Variants in SNTG1 observed in about 807,000 individuals in gnomAD.
SNTG1 encodes the protein gamma-1-syntrophin.
Under a neutral mutation model 74.7 loss-of-function variants are expected in SNTG1, and 39 were observed. That is an observed-to-expected ratio of 0.52 (90% CI 0.40 to 0.68). The LOEUF (loss-of-function observed/expected upper bound fraction) is 0.68. Among genes scored for constraint, SNTG1 ranks in the 30% least tolerant of loss-of-function variants. The pLI is 0.00. For synonymous variants in SNTG1, 254 were observed against 217.1 expected, an observed-to-expected ratio of 1.17 and a Z score of -1.49; for missense variants, 685 against 609.5, an observed-to-expected ratio of 1.12 and a Z score of -1.30.
At chr8:50,352,331 C>A (rs1254196634) in intron 2 of SNTG1, among the ~76,000 whole-genome samples, 1 of 152,000 alleles carries the variant, frequency 6.6e-6, no homozygotes, top group Non-Finnish European at 1.5e-5. Flanking sequence ...CTCCTGGGAT[C>A]CCCCAGGAAG....
intron 1 of SNTG1, among the ~76,000 whole-genome samples, chr8:49,975,769 A>ATGTGTG (rs55918843): frequency 3.4e-5 from 5 of 146,970 alleles, no homozygotes; most frequent in African/African-American, 1.0e-4. Flanking sequence ...ATATATATAT[A>ATGTGTG]TGTGTGTGTG....
chr8:50,628,753 A>C (rs750307316), intron 13 of SNTG1, among the ~76,000 whole-genome samples: 7 of 151,808 alleles, frequency 4.6e-5, no homozygotes, highest in Middle Eastern at 3.2e-3. Flanking sequence ...ATCAAAATAT[A>C]TGTTTATTTT....
chr8:50,288,939 T>C (rs1252219772), intron 2 of SNTG1, among the ~76,000 whole-genome samples: 1 of 152,186 alleles, frequency 6.6e-6, no homozygotes, highest in East Asian at 1.9e-4. Flanking sequence ...AGGTTAAATG[T>C]GTTTACTAGG....
At chr8:50,343,604 G>A (rs528778730) in intron 2 of SNTG1, among the ~76,000 whole-genome samples, 54 of 152,216 alleles carry the variant, frequency 3.5e-4, no homozygotes, top group African/African-American at 1.3e-3. Context: ...TGAACAAATA[G>A]CAAGCTATTA....
chr8:49,975,067 G>A (rs934167023), intron 1 of SNTG1, among the ~76,000 whole-genome samples: 1 of 152,120 alleles, frequency 6.6e-6, no homozygotes, highest in African/African-American at 2.4e-5. Flanking sequence ...TGTCCAAACT[G>A]TCAGTGATGG....
At chr8:50,405,396 A>G (rs1409523303) in intron 4 of SNTG1, among the ~76,000 whole-genome samples, 3 of 152,062 alleles carry the variant, frequency 2.0e-5, no homozygotes, top group African/African-American at 7.2e-5. Context: ...TCTCCTGTCA[A>G]TTAATAATGT....
intron 2 of SNTG1, among the ~76,000 whole-genome samples, chr8:50,305,552 G>GTC (rs1328800802): frequency 3.4e-5 from 5 of 147,110 alleles, no homozygotes; most frequent in Non-Finnish European, 6.0e-5. Flanking sequence ...GTGTGTGTGT[G>GTC]TGTCTGTATG....
At chr8:50,689,250 C>T (rs2095366782) in intron 15 of SNTG1, among the ~76,000 whole-genome samples, 2 of 152,120 alleles carry the variant, frequency 1.3e-5, no homozygotes, top group Admixed American at 6.5e-5. Context: ...ATTTTCTTCT[C>T]CTGCCTGATT....
intron 15 of SNTG1, among the ~76,000 whole-genome samples, chr8:50,687,364 TA>T (rs2095357326): frequency 6.6e-6 from 1 of 152,120 alleles, no homozygotes; most frequent in Non-Finnish European, 1.5e-5. Flanking sequence ...AATGAATGGA[TA>T]AAAACAAAAC....
chr8:50,164,066 G>A (rs192090153), intron 1 of SNTG1: 1 of 141,734 alleles, frequency 7.1e-6, no homozygotes, highest in East Asian at 2.1e-4. Flanking sequence ...ATTGATCTCA[G>A]AGACTTTGAT....
chr8:50,287,413 C>T (rs1469869271), intron 2 of SNTG1, among the ~76,000 whole-genome samples: 3 of 152,130 alleles, frequency 2.0e-5, no homozygotes, highest in Non-Finnish European at 2.9e-5. Context: ...CCCTTGATTC[C>T]TGAGCTTTCA....
At chr8:49,992,642 C>T (rs972824349) in intron 1 of SNTG1, among the ~76,000 whole-genome samples, 2 of 152,112 alleles carry the variant, frequency 1.3e-5, no homozygotes, top group Non-Finnish European at 2.9e-5. Context: ...ACTTAAATTG[C>T]CTTTCATGAT....
intron 1 of SNTG1, among the ~76,000 whole-genome samples, chr8:50,002,791 G>C (rs1047883328): frequency 6.6e-6 from 1 of 152,020 alleles, no homozygotes; most frequent in African/African-American, 2.4e-5. Context: ...ATACAAAAAC[G>C]TGGAAAAATG....
intron 9 of SNTG1, among the ~76,000 whole-genome samples, chr8:50,527,482 T>TG: frequency 6.6e-6 from 1 of 152,256 alleles, no homozygotes; most frequent in Non-Finnish European, 1.5e-5. Flanking sequence ...TTTGTGCATC[T>TG]TACATAAGAA....
At chr8:50,280,709 A>G (rs2088391690) in intron 2 of SNTG1, among the ~76,000 whole-genome samples, 1 of 152,204 alleles carries the variant, frequency 6.6e-6, no homozygotes, top group Non-Finnish European at 1.5e-5. Context: ...TGAAATCAGT[A>G]GAAAGGAGTG....
intron 2 of SNTG1, among the ~76,000 whole-genome samples, chr8:50,315,862 A>G (rs2090297553): frequency 6.6e-6 from 1 of 152,174 alleles, no homozygotes; most frequent in Admixed American, 6.5e-5. Flanking sequence ...AAGTGTGCTG[A>G]TAAGCACATG....
intron 12 of SNTG1, among the ~76,000 whole-genome samples, chr8:50,563,660 T>C (rs2094500323): frequency 6.6e-6 from 1 of 152,148 alleles, no homozygotes; most frequent in Non-Finnish European, 1.5e-5. Context: ...AGCAGAGCAA[T>C]TGGAAATAAG....
intron 8 of SNTG1, among the ~76,000 whole-genome samples, chr8:50,474,698 ACC>A (rs894441726): frequency 4.7e-4 from 71 of 152,254 alleles, no homozygotes; most frequent in African/African-American, 1.6e-3. Flanking sequence ...AACTAGAAAT[ACC>A]ATTTGACCCA....
chr8:50,193,641 G>A (rs548353665), intron 2 of SNTG1, among the ~76,000 whole-genome samples: 51 of 152,098 alleles, frequency 3.4e-4, no homozygotes, highest in South Asian at 1.7e-3. Flanking sequence ...CTTCCTCTTT[G>A]CCAATGTGGA....
Sources: allele counts gnomAD v4.1 joint callset (sites outside exome capture counted in the v4.1 genomes callset), GRCh38; gene constraint gnomAD v4.1.1; transcripts MANE v1.5; gene names NCBI Gene and HGNC (gene_info 2026-07-23, HGNC 2026-07-21).